SUSD5: variants seen among roughly 807,000 people sequenced by gnomAD.
SUSD5 encodes the protein sushi domain-containing protein 5.
SUSD5 carries 33 observed loss-of-function variants against 29.5 expected under a neutral mutation model. The observed-to-expected ratio is 1.12, with a 90% confidence interval of 0.85 to 1.49. SUSD5 has a LOEUF of 1.49. Ranked by LOEUF, SUSD5 falls within the 40% of genes most tolerant of loss-of-function variation. SUSD5 has a pLI of 0.00. For synonymous variants in SUSD5, 308 were observed against 325.3 expected, an observed-to-expected ratio of 0.95 and a Z score of 0.57; for missense variants, 776 against 800.6, an observed-to-expected ratio of 0.97 and a Z score of 0.37.
At chr3:33,171,504 A>C (rs1182134614) in intron 4 of SUSD5, among the ~76,000 whole-genome samples, 4 of 152,222 alleles carry the variant, frequency 2.6e-5, no homozygotes, top group Non-Finnish European at 4.4e-5. Context: ...CACCTTAAAA[A>C]TAACAACAGC....
In SUSD5 at chr3:33,153,102, G is replaced by A; in HGVS notation, c.1530C>T (p.Ile510=). Residue 510 remains isoleucine, a synonymous_variant, in exon 5 of 5, where the codon ATC becomes ATT. Coordinates refer to ENST00000309558, the MANE Select transcript of SUSD5 (RefSeq NM_015551.2). ...GGGTGGTTGCCATGATCGTTGAGGGGATGTGGTTAGGTGTCTGCTTGACAG... is the reference window on the plus strand; with the variant it reads ...GGGTGGTTGCCATGATCGTTGAGGGAATGTGGTTAGGTGTCTGCTTGACAG... ...VNTVKQTPNH[I]PSTIMATTQP... 6.2e-7 allele frequency: 1 copy of A among 1,613,936 alleles called. No homozygotes were observed. Among genetic ancestry groups the A allele is most frequent in the Non-Finnish European group, 8.5e-7 (1 of 1,179,864 alleles).
In SUSD5 at chr3:33,151,990, G is replaced by A. The variant is rs930845506; in HGVS notation, c.*752C>T. 2 of 152,120 alleles carry A rather than the reference G, an allele frequency of 1.3e-5. No individual in the cohort carries two copies. The highest frequency in any genetic ancestry group is 2.9e-5 in the Non-Finnish European group (2 of 68,030). The allele number at this position is 152,120 out of a possible 1,614,324, so 9.4% of individuals were successfully genotyped here. A position where few individuals can be genotyped will look rare whatever the true frequency, so the allele number is the denominator to read the frequency against. ...CTCAGCAACATCACAACATTAAAAG[G>A]AAACAACCCATTATTCTTCCATATT... On this transcript the variant is annotated 3_prime_UTR_variant, in exon 5 of 5. Coordinates refer to ENST00000309558, the MANE Select transcript of SUSD5 (RefSeq NM_015551.2).
intron 3 of SUSD5, among the ~76,000 whole-genome samples, chr3:33,196,948 T>C (rs1159110685): frequency 6.6e-6 from 1 of 152,172 alleles, no homozygotes; most frequent in Admixed American, 6.5e-5. Flanking sequence ...TTACTTAACT[T>C]TGTTGTGCCT....
chr3:33,166,691 T>A (rs2031311988), intron 4 of SUSD5, among the ~76,000 whole-genome samples: 1 of 152,180 alleles, frequency 6.6e-6, no homozygotes, highest in African/African-American at 2.4e-5. Context: ...GTTTGCTGAA[T>A]AAATAAATAA....
rs777636896 is a variant in SUSD5, at chr3:33,167,040, G to A, written c.598+7846C>T. On this transcript the variant is annotated intron_variant, in intron 4 of 4. Coordinates refer to ENST00000309558, the MANE Select transcript of SUSD5 (RefSeq NM_015551.2). The surrounding 1 kb of genome is among the most constrained non-coding windows in gnomAD (Gnocchi z 4.1). Reference sequence around the variant, plus strand: ...CTAAAAGTACAAAAATTAGCTGAGCGTGGTGGTGCGTGCCTGTAATCCCAG... The same window carrying A: ...CTAAAAGTACAAAAATTAGCTGAGCATGGTGGTGCGTGCCTGTAATCCCAG... Among the ~76,000 whole-genome samples the A allele has an allele frequency of 5.3e-5, 8 of 152,134 alleles. No homozygotes were observed. The highest frequency in any genetic ancestry group is 7.4e-5 in the Non-Finnish European group (5 of 67,998).
intron 3 of SUSD5, among the ~76,000 whole-genome samples, chr3:33,185,083 A>G (rs572309068): frequency 3.3e-5 from 5 of 152,172 alleles, no homozygotes; most frequent in Non-Finnish European, 7.3e-5. Context: ...TCCCATGACT[A>G]GGTCTCAGTC....
In SUSD5 at chr3:33,203,061, T is replaced by C. The variant is rs115952637; in HGVS notation, c.409+4747A>G. On this transcript the variant is annotated intron_variant, in intron 3 of 4. Transcript: ENST00000309558. Reference sequence around the variant, plus strand: ...AGCATCTGTTGAGCTGGACCTCACCTACACTCACGCGGGAACCTCACAGCA... The same window carrying C: ...AGCATCTGTTGAGCTGGACCTCACCCACACTCACGCGGGAACCTCACAGCA... Among the ~76,000 whole-genome samples, 1,015 of 152,316 alleles carry C rather than the reference T, an allele frequency of 6.7e-3. 9 individuals carry two copies. Among genetic ancestry groups the C allele is most frequent in the African/African-American group, 0.023 (961 of 41,576 alleles).
At chr3:33,177,726 A>C (rs1229983777) in intron 3 of SUSD5, among the ~76,000 whole-genome samples, 1 of 147,608 alleles carries the variant, frequency 6.8e-6, no homozygotes, top group Non-Finnish European at 1.5e-5. Context: ...GTCCACAGGA[A>C]AGTGATTAAC....
chr3:33,159,648 G>T (rs940136831), intron 4 of SUSD5, among the ~76,000 whole-genome samples: 2 of 151,808 alleles, frequency 1.3e-5, no homozygotes, highest in Non-Finnish European at 2.9e-5. Context: ...AAACTGTATC[G>T]TATATTTTTC....
chr3:33,207,061 T>C (rs2032236345), intron 3 of SUSD5, among the ~76,000 whole-genome samples: 1 of 152,218 alleles, frequency 6.6e-6, no homozygotes. Flanking sequence ...GAGGTGTACT[T>C]ATTTGGTGCA....
At chr3:33,181,745 T>C (rs2125623251) in intron 3 of SUSD5, among the ~76,000 whole-genome samples, 1 of 152,316 alleles carries the variant, frequency 6.6e-6, no homozygotes, top group Admixed American at 6.5e-5. Flanking sequence ...CACAAATACC[T>C]ACCATTGTGT....
At chr3:33,197,899 T>A (rs1455416879) in intron 3 of SUSD5, among the ~76,000 whole-genome samples, 2 of 152,232 alleles carry the variant, frequency 1.3e-5, no homozygotes, top group African/African-American at 4.8e-5. Flanking sequence ...CTTCCAGTTT[T>A]GGGCTTTTAT....
At chr3:33,169,325 A>G (rs2031371748) in intron 4 of SUSD5, among the ~76,000 whole-genome samples, 1 of 152,044 alleles carries the variant, frequency 6.6e-6, no homozygotes, top group African/African-American at 2.4e-5. Context: ...GGTTCAAGTG[A>G]TTCTTCTGCC....
At chr3:33,192,240 ATTTTTTTTC>A (rs2031907785) in intron 3 of SUSD5, among the ~76,000 whole-genome samples, 1 of 118,682 alleles carries the variant, frequency 8.4e-6, no homozygotes, top group Non-Finnish European at 1.7e-5. Context: ...CATCCAGCTA[ATTTTTTTTC>A]TTTTTTTTTT....
Position 33,167,297 on chromosome 3 carries a change from C to G in SUSD5, c.598+7589G>C, listed in dbSNP as rs1170110191. ...CACTTTTTTGTGTGTGCAGGCAACA[C>G]TGGCTTAGCATTTAATATTAGAGCA... is the stretch of plus-strand genomic sequence containing the variant. On this transcript the variant is annotated intron_variant, in intron 4 of 4. Coordinates refer to ENST00000309558, the MANE Select transcript of SUSD5 (RefSeq NM_015551.2). This position sits in a 1 kb window ranked among gnomAD's most constrained non-coding sequence, Gnocchi z 4.1. Among the ~76,000 whole-genome samples, 1 of 152,090 alleles carries G rather than the reference C, an allele frequency of 6.6e-6. No homozygotes were observed. The highest frequency in any genetic ancestry group is 6.5e-5 in the Admixed American group (1 of 15,268).
chr3:33,181,241 C>T (rs1385392284), intron 3 of SUSD5, among the ~76,000 whole-genome samples: 18 of 152,006 alleles, frequency 1.2e-4, no homozygotes, highest in Admixed American at 5.9e-4. Flanking sequence ...TATACAGTAA[C>T]GTCCTAGGCC....
At chr3:33,211,127 C>A (rs899178033) in intron 2 of SUSD5, among the ~76,000 whole-genome samples, 3 of 152,204 alleles carry the variant, frequency 2.0e-5, no homozygotes, top group Admixed American at 6.5e-5. Context: ...CTCCCGACCA[C>A]AACTAATCTG....
chr3:33,193,693 T>C (rs763114721), intron 3 of SUSD5, among the ~76,000 whole-genome samples: 3 of 152,062 alleles, frequency 2.0e-5, no homozygotes, highest in Non-Finnish European at 4.4e-5. Flanking sequence ...TTGCAAAAAG[T>C]ATGACAATGA....
chr3:33,205,431 C>T (rs1023225787), intron 3 of SUSD5, among the ~76,000 whole-genome samples: 2 of 152,150 alleles, frequency 1.3e-5, no homozygotes, highest in Non-Finnish European at 2.9e-5. Context: ...TTCAGTTACA[C>T]ATTTTTGGAA....
Sources: gnomAD v4.1 joint callset for allele counts (sites outside exome capture counted in the v4.1 genomes callset) on GRCh38, gnomAD v4.1.1 for gene constraint, Gnocchi (gnomAD v3.1) non-coding constraint, MANE v1.5 for transcripts, NCBI Gene and HGNC (gene_info 2026-07-23, HGNC 2026-07-21) for gene names.